The following LINGO1 variants were observed in gnomAD, a reference collection of about 807,000 sequenced individuals.
The protein encoded by LINGO1 is leucine-rich repeat and immunoglobulin-like domain-containing nogo receptor-interacting protein 1.
In LINGO1, 11 loss-of-function variants were observed where a neutral mutation model predicts 37.3. The ratio of observed to expected loss-of-function variants is 0.29; its 90% confidence interval spans 0.19 to 0.49. LINGO1 has a LOEUF of 0.49. Ranked by LOEUF, LINGO1 falls within the 20% of genes least tolerant of loss-of-function variation. The pLI is 0.99. For synonymous variants in LINGO1, 387 were observed against 403.0 expected (o/e 0.96, Z 0.48); for missense variants, 585 against 878.2 (o/e 0.67, Z 4.22).
chr15:77,621,547 A>T (rs2073918914), intron 1 of LINGO1, among the ~76,000 whole-genome samples: 1 of 152,088 alleles, frequency 6.6e-6, no homozygotes, highest in East Asian at 1.9e-4. Flanking sequence ...GGTGCGACAC[A>T]GGGCTTAGAC....
At position 77,632,373 on chromosome 15, in the gene LINGO1, GC is replaced by G. The variant is rs1849505423; in HGVS notation, c.-59del. The G allele has an allele frequency of 7.4e-7, 1 of 1,357,416 alleles. No homozygotes were observed. Among genetic ancestry groups the G allele is most frequent in the African/African-American group, 1.5e-5 (1 of 66,206 alleles). 84.1% of individuals were successfully genotyped at this position (1,357,416 alleles called of 1,614,324 possible). A position where few individuals can be genotyped will look rare whatever the true frequency, so the allele number is the denominator to read the frequency against. On this transcript the variant is annotated 5_prime_UTR_variant, in exon 1 of 2. Coordinates refer to ENST00000355300, the MANE Select transcript of LINGO1 (RefSeq NM_032808.7). The surrounding 1 kb of genome is among the most constrained non-coding windows in gnomAD (Gnocchi z 6.0). ...CACCAATCGCATGTCTCTCCAGCCGGCCCGACCAGGCCCCAGCCCCTGCCCA... is the reference window on the plus strand; with the variant it reads ...CACCAATCGCATGTCTCTCCAGCCGGCCGACCAGGCCCCAGCCCCTGCCCA...
chr15:77,714,509 C>T (rs2075959457), intron 2 of LINGO1, among the ~76,000 whole-genome samples: 1 of 152,146 alleles, frequency 6.6e-6, no homozygotes. Context: ...ATAGCCTCCT[C>T]ATCCCCCTCA....
intron 1 of LINGO1, among the ~76,000 whole-genome samples, chr15:77,798,538 G>A (rs550499712): frequency 4.6e-5 from 7 of 152,368 alleles, no homozygotes; most frequent in Non-Finnish European, 8.8e-5. Context: ...ATCACAAGGA[G>A]TTGCTATGGA....
intron 1 of LINGO1, among the ~76,000 whole-genome samples, chr15:77,629,239 T>G (rs2074182073): frequency 6.6e-6 from 1 of 152,200 alleles, no homozygotes; most frequent in South Asian, 2.1e-4. Flanking sequence ...AGTAGATTGT[T>G]GTCAGCACAG....
At chr15:77,762,412 A>G (rs2076486814) in intron 1 of LINGO1, among the ~76,000 whole-genome samples, 2 of 151,846 alleles carry the variant, frequency 1.3e-5, no homozygotes, top group African/African-American at 4.8e-5. Flanking sequence ...TATCCTGACC[A>G]CCTTCTTCCC....
chr15:77,734,785 T>A (rs1204278477), intron 2 of LINGO1, among the ~76,000 whole-genome samples: 1 of 151,952 alleles, frequency 6.6e-6, no homozygotes, highest in East Asian at 1.9e-4. Flanking sequence ...TCCTCCTTTT[T>A]CCTAAAAGCT....
At chr15:77,678,882 G>T (rs1469461525) in intron 2 of LINGO1, among the ~76,000 whole-genome samples, 2 of 151,978 alleles carry the variant, frequency 1.3e-5, no homozygotes, top group African/African-American at 2.4e-5. Flanking sequence ...TGCATTGTGG[G>T]TTTTTTTGTT....
intron 3 of LINGO1, among the ~76,000 whole-genome samples, chr15:77,662,630 G>GGGC (rs1329375797): frequency 6.6e-6 from 1 of 152,148 alleles, no homozygotes; most frequent in African/African-American, 2.4e-5. Context: ...ACTCCATGAA[G>GGGC]GGCTGGTGGG....
intron 1 of LINGO1, among the ~76,000 whole-genome samples, chr15:77,741,061 T>C (rs1304235787): frequency 6.6e-6 from 1 of 152,118 alleles, no homozygotes; most frequent in Non-Finnish European, 1.5e-5. Flanking sequence ...CCCTACCATG[T>C]GGCCAAGGAA....
intron 3 of LINGO1, among the ~76,000 whole-genome samples, chr15:77,671,462 C>G (rs1056962785): frequency 6.6e-6 from 1 of 152,212 alleles, no homozygotes; most frequent in Non-Finnish European, 1.5e-5. Context: ...ACAGTGATGA[C>G]GCAGTTGGGC....
At chr15:77,787,021 G>T (rs892936168), upstream of LINGO1, 13 of 152,248 alleles carry the variant, frequency 8.5e-5, no homozygotes, top group African/African-American at 3.1e-4. Flanking sequence ...AGCCTCTCGT[G>T]GGACACCCGC....
At chr15:77,709,760 GGCTTATGGAGAA>G (rs2075895857) in intron 2 of LINGO1, among the ~76,000 whole-genome samples, 1 of 152,216 alleles carries the variant, frequency 6.6e-6, no homozygotes, top group South Asian at 2.1e-4. Flanking sequence ...GACATGACTT[GGCTTATGGAGAA>G]GCTACACTAG....
At chr15:77,739,216 G>A (rs943045413) in intron 1 of LINGO1, among the ~76,000 whole-genome samples, 3 of 152,228 alleles carry the variant, frequency 2.0e-5, no homozygotes, top group Non-Finnish European at 4.4e-5. Context: ...TGTTCGCAGC[G>A]GAAATTGGTC....
chr15:77,765,077 GAA>G (rs200767162), intron 1 of LINGO1, among the ~76,000 whole-genome samples: 1,623 of 152,280 alleles, frequency 0.011, 29 homozygotes, highest in African/African-American at 0.038. Context: ...ACATGGTTTT[GAA>G]AGTTGGAGAG....
intron 3 of LINGO1, chr15:77,641,679 C>T (rs1425896618): frequency 5.5e-6 from 2 of 363,798 alleles, no homozygotes; most frequent in Non-Finnish European, 1.1e-5. Context: ...CCTGACTGGC[C>T]CCACACCCCG....
chr15:77,701,727 T>C (rs1193415631), intron 2 of LINGO1, among the ~76,000 whole-genome samples: 2 of 152,180 alleles, frequency 1.3e-5, no homozygotes, highest in African/African-American at 2.4e-5. Context: ...CCTCACTTCC[T>C]TTCTCTTGTC....
Position 77,613,710 on chromosome 15 carries a change from A to T in LINGO1, c.*334T>A. The stretch of plus-strand genomic sequence containing the variant: ...TTTATTATTTCAAGTTTTCATAAAA[A>T]TCCATAATTATTGAAACCCAAGTTA... On this transcript the variant is annotated 3_prime_UTR_variant, in exon 2 of 2. Transcript: ENST00000355300. The T allele has an allele frequency of 3.3e-6, 1 of 304,596 alleles. No homozygotes were observed. Among genetic ancestry groups the T allele is most frequent in the Non-Finnish European group, 6.1e-6 (1 of 163,772 alleles). 18.9% of individuals were successfully genotyped at this position (304,596 alleles called of 1,614,324 possible). A position where few individuals can be genotyped will look rare whatever the true frequency, so the allele number is the denominator to read the frequency against.
Position 77,615,080 on chromosome 15 carries a change from G to T in LINGO1, c.827C>A (p.Thr276Asn). The change falls in exon 2 of 2, where the codon ACC becomes AAC. Residue 276 changes from threonine (T) to asparagine (N), a missense_variant. Thr to Asn is a moderately conservative substitution (Grantham distance 65). Transcript: ENST00000355300. ...TSLSITHCNL[T>N]AVPYLAVRHL... ...GCGGACGGCCAGGTAGGGCACAGCGGTCAGATTGCAGTGTGTGATGGACAG... is the reference window on the plus strand; with the variant it reads ...GCGGACGGCCAGGTAGGGCACAGCGTTCAGATTGCAGTGTGTGATGGACAG... The T allele has an allele frequency of 6.2e-7, 1 of 1,614,022 alleles. No individual in the cohort carries two copies.
intron 1 of LINGO1, chr15:77,820,022 G>C (rs1387226808): frequency 1.3e-5 from 2 of 152,552 alleles, no homozygotes; most frequent in South Asian, 2.1e-4. Context: ...ACCGCCCTGC[G>C]CTGCCTCTCA....
Sources: gnomAD v4.1 joint callset for allele counts (sites outside exome capture counted in the v4.1 genomes callset) on GRCh38, gnomAD v4.1.1 for gene constraint, Gnocchi (gnomAD v3.1) non-coding constraint, MANE v1.5 for transcripts, NCBI Gene and HGNC (gene_info 2026-07-23, HGNC 2026-07-21) for gene names.